The following STT3A variants were observed in gnomAD, a reference collection of about 807,000 sequenced individuals.
STT3A encodes STT3 oligosaccharyltransferase complex catalytic subunit A.
A neutral mutation model predicts 89.2 loss-of-function variants in STT3A; 34 were observed. The observed-to-expected ratio is 0.38, with a 90% CI of 0.29 to 0.51. The LOEUF (loss-of-function observed/expected upper bound fraction) is 0.51. Among genes scored for constraint, STT3A ranks in the 20% least tolerant of loss-of-function variants. STT3A has a pLI of 0.89. For synonymous variants in STT3A, 282 were observed against 310.3 expected (o/e 0.91, Z 0.96); for missense variants, 555 against 889.5 (o/e 0.62, Z 4.78).
At chr11:125,612,907 T>A in intron 12 of STT3A, 82 bp from the exon 13 acceptor site, 1 of 1,543,020 alleles carries the variant, frequency 6.5e-7, no homozygotes, top group Non-Finnish European at 8.9e-7. Flanking sequence ...ATCTCATCTA[T>A]ATGAATGTGT....
At position 125,614,539 on chromosome 11, in the gene STT3A, T is replaced by C. The variant is rs1940123052; in HGVS notation, c.1774+113T>C. 9.1e-7 allele frequency: 1 copy of C among 1,099,160 alleles called. No individual in the cohort carries two copies. The allele number at this position is 1,099,160 out of a possible 1,614,324, so 68.1% of individuals were successfully genotyped here. A position where few individuals can be genotyped will look rare whatever the true frequency, so the allele number is the denominator to read the frequency against. On this transcript the variant is annotated intron_variant, in intron 15 of 17. Transcript: ENST00000392708. This position sits in a 1 kb window ranked among gnomAD's most constrained non-coding sequence, Gnocchi z 4.9. ...ATTTTACTAAGATATTTTTCTTTCATGGGAAGTTCCTAAGTATTTGCAACT... is the reference window on the plus strand; with the variant it reads ...ATTTTACTAAGATATTTTTCTTTCACGGGAAGTTCCTAAGTATTTGCAACT...
chr11:125,616,317 T>A (rs1238735630), intron 15 of STT3A, among the ~76,000 whole-genome samples: 2 of 152,222 alleles, frequency 1.3e-5, no homozygotes, highest in Non-Finnish European at 2.9e-5. Context: ...TAATCCCTAA[T>A]ACTAGGTAAA....
intron 8 of STT3A, 92 bp from the exon 9 acceptor site, chr11:125,608,017 T>G: frequency 3.8e-6 from 5 of 1,331,564 alleles, no homozygotes; most frequent in Non-Finnish European, 4.0e-6. Context: ...ATTTGACCAT[T>G]TGGTTTGAAC....
At chr11:125,615,442 G>A (rs1036546870) in intron 15 of STT3A, among the ~76,000 whole-genome samples, 8 of 151,900 alleles carry the variant, frequency 5.3e-5, no homozygotes, top group African/African-American at 1.9e-4. Context: ...CATATCCGTG[G>A]GTTCTGCATC....
intron 4 of STT3A, 113 bp downstream of exon 4, chr11:125,602,537 A>C: frequency 1.6e-6 from 2 of 1,278,054 alleles, no homozygotes; most frequent in African/African-American, 1.5e-5. Flanking sequence ...TTGTAATTTC[A>C]TCCTGATTAC....
chr11:125,602,764 G>A (rs774687854), intron 4 of STT3A, 39 bp from the exon 5 acceptor site: 14 of 1,611,904 alleles, frequency 8.7e-6, no homozygotes, highest in African/African-American at 4.0e-5. Context: ...CTTAAGTTCT[G>A]GTAAGACAAC....
At chr11:125,606,551 A>G in intron 8 of STT3A, 86 bp downstream of exon 8, 1 of 1,426,678 alleles carries the variant, frequency 7.0e-7, no homozygotes, top group Admixed American at 2.4e-5. Flanking sequence ...TTCTGTTAAG[A>G]AGAGTACGAC....
At position 125,594,617 on chromosome 11, in the gene STT3A, C is replaced by G. The variant is rs1591368493; in HGVS notation, c.-35-1264C>G. On this transcript the variant is annotated intron_variant, in intron 1 of 17. Transcript: ENST00000392708. ...AAAAAAAAAAAGATAGTAGTACTGT[C>G]TTATACAAGAATAACTAACCTATGG... Among the ~76,000 whole-genome samples, 8 of 149,422 alleles carry G rather than the reference C, an allele frequency of 5.4e-5. No homozygotes were observed. The South Asian group carries it at 1.7e-3, about 32-fold the overall frequency.
rs1037864465 is a variant in STT3A at position 125,611,810 on chromosome 11, C to T, written c.1209+291C>T. On this transcript the variant is annotated intron_variant, in intron 11 of 17. Coordinates refer to ENST00000392708, the MANE Select transcript of STT3A (RefSeq NM_152713.5). ...TTAAAACGGGAGATGATATTTTTTTCTTGAAGGCTTGGGAGTATTACCCAG... is the reference window on the plus strand; with the variant it reads ...TTAAAACGGGAGATGATATTTTTTTTTTGAAGGCTTGGGAGTATTACCCAG... Among the ~76,000 whole-genome samples the T allele has an allele frequency of 3.9e-5, 5 of 129,664 alleles. No individual in the cohort carries two copies. In the Admixed American group the frequency reaches 4.1e-4, roughly 11 times the overall value. The allele number at this position is 129,664 out of a possible 152,430, so 85.1% of individuals were successfully genotyped here. A position where few individuals can be genotyped will look rare whatever the true frequency, so the allele number is the denominator to read the frequency against.
At chr11:125,604,319 A>G (rs1463395305) in intron 6 of STT3A, 72 bp downstream of exon 6, 3 of 1,466,556 alleles carry the variant, frequency 2.0e-6, no homozygotes, top group Non-Finnish European at 2.8e-6. Flanking sequence ...AGTGCAGTCT[A>G]TGGTTTAGCA....
intron 16 of STT3A, among the ~76,000 whole-genome samples, chr11:125,618,769 C>T: frequency 6.7e-6 from 1 of 149,140 alleles, no homozygotes; most frequent in Non-Finnish European, 1.5e-5. Context: ...GGTTTTTGCT[C>T]TGACACCCAG....
At chr11:125,609,625 T>C in intron 10 of STT3A, 36 bp downstream of exon 10, 1 of 1,577,034 alleles carries the variant, frequency 6.3e-7, no homozygotes, top group East Asian at 2.2e-5. Context: ...GCCTTGTTCA[T>C]AAGAATCACA....
intron 10 of STT3A, 125 bp from the exon 11 acceptor site, chr11:125,611,295 TAGGATAAA>T: frequency 1.4e-6 from 1 of 690,304 alleles, no homozygotes; most frequent in Admixed American, 2.8e-5. Context: ...ATTGTTTTTT[TAGGATAAA>T]TTCCTGGAAG....
intron 5 of STT3A, among the ~76,000 whole-genome samples, chr11:125,603,187 TAAAG>T (rs1341256831): frequency 6.6e-6 from 1 of 151,842 alleles, no homozygotes; most frequent in Non-Finnish European, 1.5e-5. Context: ...AATTGCAACA[TAAAG>T]AAAAAAACAT....
rs193010694 is a variant in STT3A at position 125,592,892 on chromosome 11, C to A, written c.-62C>A. The stretch of plus-strand genomic sequence containing the variant: ...GCTGAACGGATGGCTGAGGGAGCCC[C>A]GCGGATCGTTTAGGAAAGCCGGCCA... On this transcript the variant is annotated 5_prime_UTR_variant, in exon 1 of 18. Transcript: ENST00000392708. The A allele has an allele frequency of 1.7e-5, 3 of 174,348 alleles. No homozygotes were observed. The highest frequency in any genetic ancestry group is 6.0e-5 in the Admixed American group (1 of 16,728). 10.8% of individuals were successfully genotyped at this position (174,348 alleles called of 1,614,324 possible).
intron 3 of STT3A, among the ~76,000 whole-genome samples, chr11:125,600,555 G>T (rs1372005698): frequency 1.3e-5 from 2 of 151,338 alleles, no homozygotes; most frequent in African/African-American, 4.9e-5. Flanking sequence ...TAGAAACAGG[G>T]TCTCTCTATG....
intron 10 of STT3A, 152 bp from the exon 11 acceptor site, chr11:125,611,276 G>A: frequency 1.6e-6 from 1 of 622,762 alleles, no homozygotes; most frequent in Non-Finnish European, 2.8e-6. Flanking sequence ...ATCTTTGCAT[G>A]TTTCTATGAT....
At chr11:125,615,789 G>A (rs1156295784) in intron 15 of STT3A, among the ~76,000 whole-genome samples, 1 of 152,190 alleles carries the variant, frequency 6.6e-6, no homozygotes, top group Non-Finnish European at 1.5e-5. Context: ...GATGGCTCAT[G>A]CCTGTAATCT....
chr11:125,602,673 T>C, intron 4 of STT3A, 130 bp from the exon 5 acceptor site: 1 of 1,280,164 alleles, frequency 7.8e-7, no homozygotes, highest in Non-Finnish European at 1.1e-6. Context: ...CTTACTGCAG[T>C]TGCTATGTTA....
Sources: gnomAD v4.1 joint callset for allele counts (sites outside exome capture counted in the v4.1 genomes callset) on GRCh38, gnomAD v4.1.1 for gene constraint, Gnocchi (gnomAD v3.1) non-coding constraint, MANE v1.5 for transcripts, NCBI Gene and HGNC (gene_info 2026-07-23, HGNC 2026-07-21) for gene names.